MAGI1: variants seen among roughly 807,000 people sequenced by gnomAD.
MAGI1 encodes the protein membrane associated guanylate kinase, WW and PDZ domain containing 1.
Under a neutral mutation model 139.9 loss-of-function variants are expected in MAGI1, and 58 were observed. The observed-to-expected ratio is 0.41, with a 90% CI of 0.34 to 0.52. The LOEUF (loss-of-function observed/expected upper bound fraction) is 0.52, where lower values mean the gene tolerates loss of function less well. MAGI1 is among the 20% of genes least tolerant of loss of function. MAGI1 has a pLI of 0.12. For synonymous variants in MAGI1, 812 were observed against 737.9 expected (o/e 1.10, Z -1.63); for missense variants, 1,874 against 1,901.6 (o/e 0.99, Z 0.27).
rs551849237 is a variant in MAGI1, at chr3:65,443,869, T to C, written c.1079-1020A>G. On this transcript the variant is annotated intron_variant, in intron 7 of 22. Transcript: ENST00000402939. Reference sequence around the variant, plus strand: ...TACTACAAACTTGAAATATTTGAAATAGATTTTTGTTTAATTCAAGGAATC... The same window carrying C: ...TACTACAAACTTGAAATATTTGAAACAGATTTTTGTTTAATTCAAGGAATC... Among the ~76,000 whole-genome samples the C allele has an allele frequency of 1.2e-3, 187 of 152,286 alleles. 1 individual carries two copies. Among genetic ancestry groups the C allele is most frequent in the Non-Finnish European group, 1.7e-3 (118 of 68,018 alleles).
intron 1 of MAGI1, among the ~76,000 whole-genome samples, chr3:65,811,864 G>C (rs531882762): frequency 1.3e-5 from 2 of 151,748 alleles, no homozygotes; most frequent in African/African-American, 2.4e-5. Flanking sequence ...TTACCAGCTA[G>C]TTGATTATAA....
rs572154177 is a variant in MAGI1, at chr3:65,542,874, T to C, written c.431-49243A>G. On this transcript the variant is annotated intron_variant, in intron 2 of 22. Transcript: ENST00000402939. ...TTCATGACTAAAACACCAAAAGCAA[T>C]GGCAACAAAAGCCAAAATTGACAAA... is the stretch of plus-strand genomic sequence containing the variant. Among the ~76,000 whole-genome samples the C allele has an allele frequency of 2.7e-3, 412 of 152,180 alleles. 1 individual carries two copies. Among genetic ancestry groups the C allele is most frequent in the African/African-American group, 9.5e-3 (396 of 41,512 alleles).
chr3:65,868,855 A>G (rs1396043940), intron 1 of MAGI1, among the ~76,000 whole-genome samples: 1 of 152,116 alleles, frequency 6.6e-6, no homozygotes, highest in Non-Finnish European at 1.5e-5. Flanking sequence ...ACTTCTCGAC[A>G]AAGTCCACCC....
chr3:65,578,623 G>A (rs781719559), intron 2 of MAGI1, among the ~76,000 whole-genome samples: 31 of 152,234 alleles, frequency 2.0e-4, no homozygotes, highest in South Asian at 1.2e-3. Flanking sequence ...GTCTCTCAAT[G>A]AGAACAGATA....
intron 1 of MAGI1, among the ~76,000 whole-genome samples, chr3:65,825,195 T>C (rs2108270401): frequency 6.6e-6 from 1 of 152,366 alleles, no homozygotes; most frequent in South Asian, 2.1e-4. Flanking sequence ...AGAAGAGAGC[T>C]TATAGCTTAT....
At chr3:65,527,767 T>G (rs2078454846) in intron 2 of MAGI1, among the ~76,000 whole-genome samples, 1 of 151,000 alleles carries the variant, frequency 6.6e-6, no homozygotes, top group Admixed American at 6.6e-5. Context: ...AAAAATAAAT[T>G]AGCCAGGAGT....
At chr3:65,431,883 C>T (rs1401444877) in intron 10 of MAGI1, among the ~76,000 whole-genome samples, 1 of 151,952 alleles carries the variant, frequency 6.6e-6, no homozygotes, top group Non-Finnish European at 1.5e-5. Context: ...ATCCCAGCTA[C>T]TTGGGAGGCT....
intron 2 of MAGI1, among the ~76,000 whole-genome samples, chr3:65,534,985 G>A (rs1009692029): frequency 3.9e-5 from 6 of 152,060 alleles, no homozygotes; most frequent in African/African-American, 1.2e-4. Flanking sequence ...CCATGTGGGG[G>A]ACAAGGCACC....
At chr3:65,518,197 G>A (rs116108797) in intron 2 of MAGI1, among the ~76,000 whole-genome samples, 1 of 152,106 alleles carries the variant, frequency 6.6e-6, no homozygotes, top group African/African-American at 2.4e-5. Flanking sequence ...AACCCCAAAG[G>A]CTTCTCTGAC....
At chr3:65,673,253 CTGAA>C (rs1319071638) in intron 1 of MAGI1, among the ~76,000 whole-genome samples, 2 of 152,188 alleles carry the variant, frequency 1.3e-5, no homozygotes, top group African/African-American at 2.4e-5. Context: ...TGGCCAGACA[CTGAA>C]TGAATTTCTT....
intron 1 of MAGI1, among the ~76,000 whole-genome samples, chr3:65,899,393 A>G (rs567336413): frequency 6.6e-6 from 1 of 152,328 alleles, no homozygotes; most frequent in East Asian, 1.9e-4. Context: ...AACATGTCCC[A>G]TTATGACCAT....
intron 2 of MAGI1, among the ~76,000 whole-genome samples, chr3:65,558,678 AAAAC>A (rs137902671): frequency 0.025 from 3,813 of 152,210 alleles, 77 homozygotes; most frequent in Admixed American, 0.049. Context: ...GTGCATGCTA[AAAAC>A]AAACAAACAC....
At chr3:65,887,324 T>C (rs2060573158) in intron 1 of MAGI1, among the ~76,000 whole-genome samples, 1 of 151,094 alleles carries the variant, frequency 6.6e-6, no homozygotes, top group African/African-American at 2.4e-5. Context: ...TGTATTACTT[T>C]AGTAATACAC....
At chr3:65,568,308 CTTTT>C (rs36116885) in intron 2 of MAGI1, among the ~76,000 whole-genome samples, 5 of 150,112 alleles carry the variant, frequency 3.3e-5, no homozygotes, top group African/African-American at 1.2e-4. Flanking sequence ...TGACTGGACA[CTTTT>C]TTTTTTCTTT....
chr3:65,757,240 C>T (rs2036634043), intron 1 of MAGI1, among the ~76,000 whole-genome samples: 2 of 152,206 alleles, frequency 1.3e-5, no homozygotes. Context: ...TTCCAGAGGA[C>T]CAAAACTGGA....
intron 2 of MAGI1, among the ~76,000 whole-genome samples, chr3:65,618,397 T>C (rs892796357): frequency 2.0e-5 from 3 of 152,184 alleles, no homozygotes; most frequent in African/African-American, 7.2e-5. Context: ...AATGATTTTT[T>C]TGAATCTGAA....
chr3:65,581,003 G>A (rs1237815904), intron 2 of MAGI1, among the ~76,000 whole-genome samples: 4 of 152,008 alleles, frequency 2.6e-5, no homozygotes, highest in Non-Finnish European at 5.9e-5. Flanking sequence ...TGAGCTTAGG[G>A]CAAAAGTCAG....
intron 1 of MAGI1, among the ~76,000 whole-genome samples, chr3:65,977,368 C>G (rs777623262): frequency 6.6e-6 from 1 of 152,060 alleles, no homozygotes; most frequent in Non-Finnish European, 1.5e-5. Context: ...ACAGCGTATT[C>G]GAAACCAGAT....
intron 1 of MAGI1, among the ~76,000 whole-genome samples, chr3:65,720,422 T>A (rs536220516): frequency 1.3e-5 from 2 of 152,302 alleles, no homozygotes; most frequent in South Asian, 2.1e-4. Flanking sequence ...AGGCTTGGAC[T>A]GAGTGCTACG....
Sources: gnomAD v4.1 joint callset for allele counts (sites outside exome capture counted in the v4.1 genomes callset) on GRCh38, gnomAD v4.1.1 for gene constraint, MANE v1.5 for transcripts, NCBI Gene and HGNC (gene_info 2026-07-23, HGNC 2026-07-21) for gene names.